The following GPC4 variants were observed in gnomAD, a reference collection of about 807,000 sequenced individuals.
GPC4 encodes the protein glypican-4.
GPC4 carries 10 observed loss-of-function variants against 35.0 expected under a neutral mutation model. That is an observed-to-expected ratio of 0.29 (90% CI 0.18 to 0.48). The LOEUF (loss-of-function observed/expected upper bound fraction) is 0.48. GPC4 is among the 20% of genes least tolerant of loss of function. The pLI is 0.99. For synonymous variants in GPC4, 167 were observed against 170.2 expected (o/e 0.98, Z 0.15); for missense variants, 322 against 451.3 (o/e 0.71, Z 2.60).
chrX:133,333,355 G>C (rs1165605302), intron 2 of GPC4, among the ~76,000 whole-genome samples: 3 of 112,793 alleles, frequency 2.7e-5, no homozygotes, highest in African/African-American at 9.7e-5. Flanking sequence ...TAAGAGGAGA[G>C]GCCCAAAGTT....
rs1405668580 is a variant in GPC4, at chrX:133,302,134, T to C, written c.*733A>G. The C allele has an allele frequency of 1.1e-4, 12 of 112,352 alleles. No homozygotes were observed. The highest frequency in any genetic ancestry group is 1.9e-4 in the Non-Finnish European group (10 of 53,285). 9.3% of individuals were successfully genotyped at this position (112,352 alleles called of 1,213,427 possible). ...TAAGTGGGTTCAAGAAATGGACCTATAGTGATCTTAGCTTATGTAATTCAA... is the reference window on the plus strand; with the variant it reads ...TAAGTGGGTTCAAGAAATGGACCTACAGTGATCTTAGCTTATGTAATTCAA... On this transcript the variant is annotated 3_prime_UTR_variant, in exon 9 of 9. Coordinates refer to ENST00000370828, the MANE Select transcript of GPC4 (RefSeq NM_001448.3).
chrX:133,365,702 T>A (rs2068586813), intron 1 of GPC4, among the ~76,000 whole-genome samples: 1 of 112,252 alleles, frequency 8.9e-6, no homozygotes, highest in African/African-American at 3.2e-5. Flanking sequence ...ATCTTAGGAA[T>A]CTCTATTAAA....
intron 1 of GPC4, among the ~76,000 whole-genome samples, chrX:133,401,360 G>A (rs1048612960): frequency 1.3e-4 from 15 of 111,545 alleles, no homozygotes; most frequent in African/African-American, 4.6e-4. Flanking sequence ...TAGAGCAGGG[G>A]AACTGATATG....
intron 1 of GPC4, among the ~76,000 whole-genome samples, chrX:133,368,032 C>G (rs923911888): frequency 5.4e-5 from 6 of 112,125 alleles, no homozygotes; most frequent in Admixed American, 3.8e-4. Flanking sequence ...AGGAGGACTG[C>G]TTGAGGCCAG....
chrX:133,414,433 G>A, intron 1 of GPC4: 1 of 732,886 alleles, frequency 1.4e-6, no homozygotes, highest in Non-Finnish European at 1.6e-6. Context: ...AGTTCAACCC[G>A]GAAAAGGAGA....
At chrX:133,324,062 T>C in intron 3 of GPC4, 83 bp downstream of exon 3, 1 of 1,073,029 alleles carries the variant, frequency 9.3e-7, no homozygotes, top group South Asian at 2.3e-5. Context: ...TTTGGTGATT[T>C]ATTTTTCTAC....
chrX:133,383,574 A>T (rs2068673445), intron 1 of GPC4, among the ~76,000 whole-genome samples: 1 of 111,377 alleles, frequency 9.0e-6, no homozygotes, highest in Admixed American at 9.6e-5. Flanking sequence ...GCCTGGACAC[A>T]TGGGCTCACA....
At chrX:133,356,123 T>C (rs1270265166) in intron 1 of GPC4, among the ~76,000 whole-genome samples, 1 of 112,000 alleles carries the variant, frequency 8.9e-6, no homozygotes, top group Non-Finnish European at 1.9e-5. Context: ...TAGATATGGT[T>C]TGTATGGCCC....
At chrX:133,351,055 G>A (rs750128584) in intron 1 of GPC4, among the ~76,000 whole-genome samples, 2 of 112,454 alleles carry the variant, frequency 1.8e-5, no homozygotes, top group Non-Finnish European at 3.8e-5. Context: ...TAGCACCTGG[G>A]CCACATGCCC....
At chrX:133,405,807 C>G (rs1172923208) in intron 1 of GPC4, among the ~76,000 whole-genome samples, 2 of 112,767 alleles carry the variant, frequency 1.8e-5, no homozygotes, top group African/African-American at 6.4e-5. Context: ...TCCTCAAAAG[C>G]TTGATTCCTG....
chrX:133,392,613 C>T (rs1336678342), intron 1 of GPC4, among the ~76,000 whole-genome samples: 1 of 103,469 alleles, frequency 9.7e-6, no homozygotes, highest in Non-Finnish European at 2.0e-5. Context: ...AAAAAGGATA[C>T]AGCTGTCACC....
chrX:133,413,854 G>C (rs187619300), intron 1 of GPC4, among the ~76,000 whole-genome samples: 1,384 of 111,587 alleles, frequency 0.012, 28 homozygotes, highest in African/African-American at 0.042. Context: ...GGCACCCGCC[G>C]AACGCTGCCT....
At position 133,305,804 on chromosome X, in the gene GPC4, T is replaced by C. The variant is rs1671941659; in HGVS notation, c.1123A>G (p.Thr375Ala). The C allele has an allele frequency of 8.3e-7, 1 of 1,211,933 alleles. No individual in the cohort carries two copies. Among genetic ancestry groups the C allele is most frequent in the Non-Finnish European group, 1.1e-6 (1 of 895,582 alleles). ...TCCAAACTAGTGCCAGCTGCTGTGGTTGGGCGTTCCTCGGGGTGATGTGGT... is the reference window on the plus strand; with the variant it reads ...TCCAAACTAGTGCCAGCTGCTGTGGCTGGGCGTTCCTCGGGGTGATGTGGT... ...FRPHHPEERP[T>A]TAAGTSLDRL... Residue 375 changes from threonine (T) to alanine (A), a missense_variant, in exon 6 of 9, where the codon ACC (threonine) becomes GCC (alanine). Transcript: ENST00000370828.
chrX:133,390,097 T>C (rs988354417), intron 1 of GPC4, among the ~76,000 whole-genome samples: 1 of 110,493 alleles, frequency 9.1e-6, no homozygotes, highest in Non-Finnish European at 1.9e-5. Context: ...AAGCTTGAAG[T>C]GAGAGAGGCA....
At position 133,302,838 on chromosome X, in the gene GPC4, G is replaced by A. The variant is rs776923358; in HGVS notation, c.*29C>T. On this transcript the variant is annotated 3_prime_UTR_variant, in exon 9 of 9. Transcript: ENST00000370828. Reference sequence around the variant, plus strand: ...GATAACTGGTGCCTTTTAACTTTTTGATGAACACTTTTTCTCAGAGTTTGA... The same window carrying A: ...GATAACTGGTGCCTTTTAACTTTTTAATGAACACTTTTTCTCAGAGTTTGA... 2.5e-6 allele frequency: 3 copies of A among 1,191,946 alleles called. No individual in the cohort carries two copies. Among genetic ancestry groups the A allele is most frequent in the Non-Finnish European group, 2.3e-6 (2 of 879,138 alleles).
chrX:133,407,759 C>CA (rs1298115340), intron 1 of GPC4, among the ~76,000 whole-genome samples: 2 of 112,551 alleles, frequency 1.8e-5, no homozygotes, highest in Non-Finnish European at 3.7e-5. Flanking sequence ...CTGGCTTAAA[C>CA]TCTTTGTATT....
intron 1 of GPC4, among the ~76,000 whole-genome samples, chrX:133,360,670 T>C (rs1272084576): frequency 5.3e-5 from 6 of 112,360 alleles, no homozygotes; most frequent in Non-Finnish European, 1.1e-4. Flanking sequence ...CCAACTCTAC[T>C]GTCTGATTTC....
chrX:133,376,212 G>A (rs1410229832), intron 1 of GPC4, among the ~76,000 whole-genome samples: 2 of 112,497 alleles, frequency 1.8e-5, no homozygotes, highest in Non-Finnish European at 3.8e-5. Flanking sequence ...CAGCCGTGCA[G>A]CTAATGGACA....
At chrX:133,337,078 C>T (rs1369438256) in intron 2 of GPC4, among the ~76,000 whole-genome samples, 1 of 111,862 alleles carries the variant, frequency 8.9e-6, no homozygotes, top group East Asian at 2.8e-4. Flanking sequence ...CGTGGCCTCC[C>T]AAAGTGCTGG....
Sources: allele counts gnomAD v4.1 joint callset (sites outside exome capture counted in the v4.1 genomes callset), GRCh38; gene constraint gnomAD v4.1.1; transcripts MANE v1.5; gene names NCBI Gene and HGNC (gene_info 2026-07-23, HGNC 2026-07-21).